The following FLVCR1 variants were observed in gnomAD, a reference collection of about 807,000 sequenced individuals.
FLVCR1 encodes the protein FLVCR choline and heme transporter 1, also known as choline/ethanolamine transporter FLVCR1.
A neutral mutation model predicts 53.6 loss-of-function variants in FLVCR1; 34 were observed. The ratio of observed to expected loss-of-function variants is 0.63; its 90% CI spans 0.48 to 0.84. The LOEUF (loss-of-function observed/expected upper bound fraction) is 0.84. Ranked by LOEUF, FLVCR1 falls within the 40% of genes least tolerant of loss-of-function variation. The pLI is 0.00. For synonymous variants in FLVCR1, 300 were observed against 286.3 expected (o/e 1.05, Z -0.48); for missense variants, 677 against 696.7 (o/e 0.97, Z 0.32).
chr1:212,884,150 T>C (rs984085892), intron 4 of FLVCR1, among the ~76,000 whole-genome samples: 3 of 151,906 alleles, frequency 2.0e-5, no homozygotes, highest in Admixed American at 6.6e-5. Flanking sequence ...AAATACAAAA[T>C]TAGCTGGGCA....
intron 2 of FLVCR1, among the ~76,000 whole-genome samples, chr1:212,865,273 T>TC (rs71495078): frequency 7.8e-6 from 1 of 127,402 alleles, no homozygotes; most frequent in African/African-American, 3.2e-5. Flanking sequence ...ATGCTATCCC[T>TC]CCCCCCACCC....
rs1665368313 is a variant in FLVCR1, at chr1:212,897,339, T to G, written c.*2049T>G. 9.5e-6 allele frequency: 1 copy of G among 105,250 alleles called. No individual in the cohort carries two copies. The highest frequency in any genetic ancestry group is 2.4e-4 in the South Asian group (1 of 4,102). 6.5% of individuals were successfully genotyped at this position (105,250 alleles called of 1,614,324 possible). ...CAACATGGCAAAACCCCATCTCTAC[T>G]AAAAATACATACACACACACACACA... On this transcript the variant is annotated 3_prime_UTR_variant, in exon 10 of 10. Coordinates refer to ENST00000366971, the MANE Select transcript of FLVCR1 (RefSeq NM_014053.4).
intron 3 of FLVCR1, among the ~76,000 whole-genome samples, chr1:212,879,291 G>T (rs1664855884): frequency 6.6e-6 from 1 of 152,242 alleles, no homozygotes; most frequent in East Asian, 1.9e-4. Flanking sequence ...GTAGTTTCTC[G>T]ACTTCATGTT....
At chr1:212,894,034 T>G (rs931766614) in intron 8 of FLVCR1, among the ~76,000 whole-genome samples, 4 of 151,602 alleles carry the variant, frequency 2.6e-5, no homozygotes, top group Non-Finnish European at 5.9e-5. Flanking sequence ...CCTCGGCCTC[T>G]CAAAGTGCTA....
In FLVCR1 at chr1:212,861,891, C is replaced by T. The variant is rs902881406; in HGVS notation, c.739-1834C>T. 1.2e-4 allele frequency among the ~76,000 whole-genome samples: 18 copies of T among 151,986 alleles called. No individual in the cohort carries two copies. The East Asian group carries it at 1.9e-3, about 16-fold the overall frequency. On this transcript the variant is annotated intron_variant, in intron 1 of 9. Coordinates refer to ENST00000366971, the MANE Select transcript of FLVCR1 (RefSeq NM_014053.4). Reference sequence around the variant, plus strand: ...TTCACCATGTTAGCCAGGATGGTCTCGATCTCCTGACCTCGTGATCCCCCC... The same window carrying T: ...TTCACCATGTTAGCCAGGATGGTCTTGATCTCCTGACCTCGTGATCCCCCC...
chr1:212,878,921 C>T (rs1160690211), intron 3 of FLVCR1, among the ~76,000 whole-genome samples: 1 of 151,686 alleles, frequency 6.6e-6, no homozygotes, highest in African/African-American at 2.4e-5. Flanking sequence ...CCCAGGAGGT[C>T]AAGGCTGCAG....
At position 212,895,392 on chromosome 1, in the gene FLVCR1, T is replaced by G. The variant is rs1285382160; in HGVS notation, c.*102T>G. 3 of 794,876 alleles carry G rather than the reference T, an allele frequency of 3.8e-6. No homozygotes were observed. Among genetic ancestry groups the G allele is most frequent in the Non-Finnish European group, 6.7e-6 (3 of 447,072 alleles). The allele number at this position is 794,876 out of a possible 1,614,324, so 49.2% of individuals were successfully genotyped here. On this transcript the variant is annotated 3_prime_UTR_variant, in exon 10 of 10. Coordinates refer to ENST00000366971, the MANE Select transcript of FLVCR1 (RefSeq NM_014053.4). ...GCTGGGTTTGTATGTGGTGGGGGAATAAACACACTTACTTGAAAATTACCA... is the reference window on the plus strand; with the variant it reads ...GCTGGGTTTGTATGTGGTGGGGGAAGAAACACACTTACTTGAAAATTACCA...
In FLVCR1 at chr1:212,877,187, G is replaced by A. The variant is rs935616131; in HGVS notation, c.1024+4369G>A. 2.8e-5 allele frequency among the ~76,000 whole-genome samples: 4 copies of A among 144,626 alleles called. No homozygotes were observed. In the Admixed American group the frequency reaches 2.9e-4, roughly 11 times the overall value. The allele number at this position is 144,626 out of a possible 152,430, so 94.9% of individuals were successfully genotyped here. ...GTCTCGCTCTGTCGCCCAGGCTGGA[G>A]TGCAGTGGCATGATCTTGGCTCACT... On this transcript the variant is annotated intron_variant, in intron 3 of 9. Transcript: ENST00000366971.
At chr1:212,891,879 A>G (rs1048193128) in intron 8 of FLVCR1, among the ~76,000 whole-genome samples, 1 of 152,256 alleles carries the variant, frequency 6.6e-6, no homozygotes, top group African/African-American at 2.4e-5. Context: ...GGAAATTAAG[A>G]ATGCTACTCC....
chr1:212,892,733 G>T (rs1422727234), intron 8 of FLVCR1, among the ~76,000 whole-genome samples: 1 of 152,072 alleles, frequency 6.6e-6, no homozygotes, highest in East Asian at 1.9e-4. Context: ...ACTTCAAAAG[G>T]CTGTAGCTGC....
At chr1:212,871,922 A>C (rs4951465) in intron 2 of FLVCR1, among the ~76,000 whole-genome samples, 70,438 of 151,978 alleles carry the variant, frequency 0.46, 17,560 homozygotes, top group East Asian at 0.56. Context: ...TTTCCATATG[A>C]AGCTCAAGTG....
intron 2 of FLVCR1, among the ~76,000 whole-genome samples, chr1:212,869,372 C>T (rs1171472111): frequency 6.6e-6 from 1 of 152,194 alleles, no homozygotes; most frequent in East Asian, 1.9e-4. Context: ...AGATCCATGG[C>T]TTTTTGTTTC....
intron 2 of FLVCR1, among the ~76,000 whole-genome samples, chr1:212,868,105 T>C (rs191938640): frequency 2.3e-3 from 356 of 152,314 alleles, no homozygotes; most frequent in Middle Eastern, 3.4e-3. Flanking sequence ...CTTTTAATTC[T>C]TTTTTAAGAG....
At position 212,863,966 on chromosome 1, in the gene FLVCR1, C is replaced by T. The variant is rs1664328463; in HGVS notation, c.883+97C>T. 4.8e-5 allele frequency: 49 copies of T among 1,011,446 alleles called. 1 individual carries two copies. The South Asian group carries it at 5.2e-4, about 11-fold the overall frequency. The allele number at this position is 1,011,446 out of a possible 1,614,324, so 62.7% of individuals were successfully genotyped here. A position where few individuals can be genotyped will look rare whatever the true frequency, so the allele number is the denominator to read the frequency against. On this transcript the variant is annotated intron_variant, in intron 2 of 9. Transcript: ENST00000366971. ...TTTTTGTTGATAATATCTCAAGTGT[C>T]ATGTGCTTTGTTTCATTCTTCCATG...
chr1:212,890,115 G>A (rs1301417040), intron 8 of FLVCR1, among the ~76,000 whole-genome samples: 1 of 152,174 alleles, frequency 6.6e-6, no homozygotes, highest in Non-Finnish European at 1.5e-5. Context: ...GACATGGGCA[G>A]GAAAGAAAAT....
intron 8 of FLVCR1, among the ~76,000 whole-genome samples, chr1:212,893,406 A>G (rs1665250568): frequency 6.6e-6 from 1 of 152,168 alleles, no homozygotes; most frequent in Admixed American, 6.5e-5. Flanking sequence ...GTTGGAATCT[A>G]CTAGTAAAGA....
intron 8 of FLVCR1, among the ~76,000 whole-genome samples, chr1:212,891,375 C>T (rs957476195): frequency 2.0e-5 from 3 of 146,474 alleles, no homozygotes; most frequent in South Asian, 2.2e-4. Context: ...ATCCGGGAGG[C>T]GGAGGTTGCA....
At chr1:212,862,329 C>T (rs12030572) in intron 1 of FLVCR1, among the ~76,000 whole-genome samples, 34,288 of 152,064 alleles carry the variant, frequency 0.23, 4,502 homozygotes, top group East Asian at 0.45. Context: ...CACTTCCCCA[C>T]CATTGCCCCC....
At chr1:212,883,527 G>A in intron 4 of FLVCR1, 89 bp downstream of exon 4, 1 of 715,124 alleles carries the variant, frequency 1.4e-6, no homozygotes, top group Middle Eastern at 2.3e-4. Context: ...TGAGATTAAG[G>A]GTTATGACAT....
Sources: allele counts gnomAD v4.1 joint callset (sites outside exome capture counted in the v4.1 genomes callset), GRCh38; gene constraint gnomAD v4.1.1; transcripts MANE v1.5; gene names NCBI Gene and HGNC (gene_info 2026-07-23, HGNC 2026-07-21).